Variants in ZNF420 observed in about 807,000 individuals in gnomAD.
ZNF420 encodes ATM and p53-associated KZNF protein.
Under a neutral mutation model 44.7 loss-of-function variants are expected in ZNF420, and 31 were observed. The observed-to-expected ratio is 0.69, with a 90% CI of 0.52 to 0.94. The LOEUF (loss-of-function observed/expected upper bound fraction) is 0.94. ZNF420 is among the 40% of genes least tolerant of loss of function. ZNF420 has a pLI of 0.00. For missense variants in ZNF420, 681 were observed against 827.9 expected, an observed-to-expected ratio of 0.82 and a Z score of 2.18; for synonymous variants, 245 against 267.4, an observed-to-expected ratio of 0.92 and a Z score of 0.82.
intron 1 of ZNF420, among the ~76,000 whole-genome samples, chr19:37,048,866 C>T (rs189810253): frequency 5.4e-5 from 7 of 129,916 alleles, no homozygotes. Flanking sequence ...ATCCCTCCCC[C>T]CTCCCCCACC....
chr19:37,074,756 T>C (rs570519442), upstream of ZNF420, among the ~76,000 whole-genome samples: 1 of 152,136 alleles, frequency 6.6e-6, no homozygotes, highest in Non-Finnish European at 1.5e-5. Flanking sequence ...TATCTGCAGC[T>C]TACCCATAAA....
rs1247949352 is a variant in ZNF420 at position 37,128,131 on chromosome 19, A to G, written c.1140A>G (p.Gln380=). 5.0e-6 allele frequency: 8 copies of G among 1,613,978 alleles called. No homozygotes were observed. Among genetic ancestry groups the G allele is most frequent in the African/African-American group, 2.7e-5 (2 of 74,898 alleles). Residue 380 remains glutamine, a synonymous_variant, in exon 5 of 5, where the codon CAA becomes CAG. Transcript: ENST00000337995. ...KAFIRGSQLT[Q]HQRIHTNEKP... is the part of the protein sequence containing the mutation. ...TTATCCGTGGCTCACAACTTACTCA[A>G]CACCAGAGAATTCACACCAATGAAA...
At chr19:37,063,537 T>G (rs990654557) in intron 1 of ZNF420, among the ~76,000 whole-genome samples, 1 of 151,636 alleles carries the variant, frequency 6.6e-6, no homozygotes, top group African/African-American at 2.4e-5. Flanking sequence ...TCCCCCTGCA[T>G]AGATCTCCCC....
At chr19:37,069,267 A>G (rs1225277024) in intron 1 of ZNF420, among the ~76,000 whole-genome samples, 5 of 152,218 alleles carry the variant, frequency 3.3e-5, no homozygotes, top group African/African-American at 1.2e-4. Flanking sequence ...TGCCCACAAA[A>G]GTAGCTATGT....
At chr19:37,108,009 C>G (rs561295449) in intron 4 of ZNF420, among the ~76,000 whole-genome samples, 1 of 152,290 alleles carries the variant, frequency 6.6e-6, no homozygotes, top group Non-Finnish European at 1.5e-5. Flanking sequence ...CACACTGTAA[C>G]TGGAAATGAT....
intron 4 of ZNF420, among the ~76,000 whole-genome samples, chr19:37,102,096 G>A (rs1389466295): frequency 6.6e-6 from 1 of 151,970 alleles, no homozygotes; most frequent in Non-Finnish European, 1.5e-5. Flanking sequence ...AGTGGGAGGT[G>A]CTGGAGCTGA....
At chr19:37,108,773 C>T (rs1040886600) in intron 4 of ZNF420, among the ~76,000 whole-genome samples, 2 of 152,170 alleles carry the variant, frequency 1.3e-5, no homozygotes, top group African/African-American at 2.4e-5. Context: ...TGTTAAGTCA[C>T]TATCAACAGT....
At chr19:37,106,898 C>G (rs931400363) in intron 4 of ZNF420, 1 of 151,966 alleles carries the variant, frequency 6.6e-6, no homozygotes, top group Admixed American at 6.6e-5. Flanking sequence ...ACAAAAGTCT[C>G]TGTGTCGTAA....
intron 1 of ZNF420, chr19:37,008,140 C>T (rs974727026): frequency 3.3e-6 from 1 of 299,500 alleles, no homozygotes; most frequent in Non-Finnish European, 6.3e-6. Flanking sequence ...GCCTGTGTGC[C>T]TGTAGGCTAC....
chr19:37,076,214 A>G (rs920893550), upstream of ZNF420, among the ~76,000 whole-genome samples: 1 of 152,020 alleles, frequency 6.6e-6, no homozygotes, highest in Non-Finnish European at 1.5e-5. Flanking sequence ...GTAACTATTC[A>G]AAAGCCAAAA....
intron 4 of ZNF420, chr19:37,111,590 G>A (rs1233515173): frequency 6.6e-6 from 1 of 152,234 alleles, no homozygotes; most frequent in Admixed American, 6.5e-5. Context: ...TTTGTCTCTC[G>A]TTTCTGCAGC....
chr19:37,027,479 T>C (rs965083406), intron 1 of ZNF420, among the ~76,000 whole-genome samples: 4 of 152,212 alleles, frequency 2.6e-5, no homozygotes, highest in African/African-American at 9.7e-5. Context: ...CTACCATTTA[T>C]GGACTTTGAC....
rs890962507 is a variant in ZNF420 at position 37,121,702 on chromosome 19, T to G, written c.137-5426T>G. 5.0e-3 allele frequency among the ~76,000 whole-genome samples: 760 copies of G among 152,202 alleles called. 8 individuals carry two copies. Among genetic ancestry groups the G allele is most frequent in the African/African-American group, 0.017 (711 of 41,510 alleles). ...AGTGAACAGGCAACCAACAAAATGG[T>G]AGAAAATTTTCGCAACCTACTCCTC... On this transcript the variant is annotated intron_variant, in intron 4 of 4. Transcript: ENST00000337995.
intron 1 of ZNF420, among the ~76,000 whole-genome samples, chr19:37,036,907 A>G (rs974779351): frequency 5.9e-5 from 9 of 152,242 alleles, no homozygotes; most frequent in African/African-American, 2.2e-4. Flanking sequence ...ATAATAACCC[A>G]CAAGGTCAAA....
chr19:37,105,554 G>A (rs1042910222), intron 4 of ZNF420, among the ~76,000 whole-genome samples: 1 of 152,116 alleles, frequency 6.6e-6, no homozygotes, highest in East Asian at 1.9e-4. Flanking sequence ...TAGCTTGATG[G>A]GGATGGCATT....
At chr19:37,066,795 T>C (rs1306242696) in intron 1 of ZNF420, among the ~76,000 whole-genome samples, 1 of 152,164 alleles carries the variant, frequency 6.6e-6, no homozygotes, top group Non-Finnish European at 1.5e-5. Flanking sequence ...TCCTAGGTGT[T>C]ACCCCAGAGA....
At chr19:37,045,197 A>G (rs1012044981) in intron 1 of ZNF420, among the ~76,000 whole-genome samples, 2 of 152,184 alleles carry the variant, frequency 1.3e-5, no homozygotes, top group Non-Finnish European at 2.9e-5. Context: ...TCTTATTTAG[A>G]TAAATTCTGT....
intron 1 of ZNF420, among the ~76,000 whole-genome samples, chr19:37,017,170 G>T (rs1159718335): frequency 6.6e-6 from 1 of 152,170 alleles, no homozygotes; most frequent in Non-Finnish European, 1.5e-5. Flanking sequence ...CTAATGGAGA[G>T]GATCATGGGA....
At chr19:37,051,911 T>C (rs1967646295) in intron 1 of ZNF420, among the ~76,000 whole-genome samples, 1 of 152,224 alleles carries the variant, frequency 6.6e-6, no homozygotes, top group Non-Finnish European at 1.5e-5. Flanking sequence ...GAGATTCTGA[T>C]ATGTTGTGTT....
Sources: gnomAD v4.1 joint callset for allele counts (sites outside exome capture counted in the v4.1 genomes callset) on GRCh38, gnomAD v4.1.1 for gene constraint, MANE v1.5 for transcripts, NCBI Gene and HGNC (gene_info 2026-07-23, HGNC 2026-07-21) for gene names.